The following SOBP variants were observed in gnomAD, a reference collection of about 807,000 sequenced individuals.
The protein encoded by SOBP is sine oculis-binding protein homolog.
In SOBP, 4 loss-of-function variants were observed where a neutral mutation model predicts 53.6. The observed-to-expected ratio is 0.07, with a 90% CI of 0.04 to 0.17. The LOEUF (loss-of-function observed/expected upper bound fraction) is 0.17, where lower values mean the gene tolerates loss of function less well. Ranked by LOEUF, SOBP falls within the 10% of genes least tolerant of loss-of-function variation. The pLI is 1.00. For synonymous variants in SOBP, 584 were observed against 522.6 expected (o/e 1.12, Z -1.60); for missense variants, 1,088 against 1,204.7 (o/e 0.90, Z 1.43).
intron 1 of SOBP, among the ~76,000 whole-genome samples, chr6:107,494,459 G>T (rs1035359977): frequency 2.0e-5 from 3 of 152,160 alleles, no homozygotes; most frequent in Non-Finnish European, 4.4e-5. Flanking sequence ...TATATTTTGT[G>T]CACATAGATC....
chr6:107,634,614 C>A lies in SOBP; in HGVS notation c.1770C>A (p.Gly590=), dbSNP rs939445785. 6.3e-7 allele frequency: 1 copy of A among 1,597,012 alleles called. No individual in the cohort carries two copies. Among genetic ancestry groups the A allele is most frequent in the Admixed American group, 1.7e-5 (1 of 59,678 alleles). Residue 590 remains glycine, a synonymous_variant, in exon 6 of 7, where the codon GGC becomes GGA. Coordinates refer to ENST00000317357, the MANE Select transcript of SOBP (RefSeq NM_018013.4). This position sits in a 1 kb window ranked among gnomAD's most constrained non-coding sequence, Gnocchi z 4.5. The part of the protein sequence containing the change: ...HSLSPRDSKQ[G]SSKSADSPPG... ...TGTCCCCCCGGGACTCCAAGCAGGG[C>A]TCGTCCAAGTCCGCGGACTCGCCCC...
At chr6:107,562,816 TA>T (rs1318103561) in intron 4 of SOBP, among the ~76,000 whole-genome samples, 6 of 151,986 alleles carry the variant, frequency 3.9e-5, no homozygotes, top group Non-Finnish European at 7.4e-5. Context: ...TAAAGTGAAA[TA>T]TACTGCTGTA....
At position 107,506,488 on chromosome 6, in the gene SOBP, A is replaced by G. The variant is rs1782997006; in HGVS notation, c.421+61A>G. 39 of 1,575,130 alleles carry G rather than the reference A, an allele frequency of 2.5e-5. No homozygotes were observed. The South Asian group carries it at 4.2e-4, about 17-fold the overall frequency. Reference sequence around the variant, plus strand: ...CATAGAAAGTTGTTTTAACCATCTTAGGAATAATTATTAAATGCTCAAGTT... The same window carrying G: ...CATAGAAAGTTGTTTTAACCATCTTGGGAATAATTATTAAATGCTCAAGTT... On this transcript the variant is annotated intron_variant, in intron 3 of 6. Transcript: ENST00000317357.
intron 6 of SOBP, among the ~76,000 whole-genome samples, chr6:107,649,163 CAAAAA>C (rs61034738): frequency 1.5e-4 from 6 of 40,416 alleles, no homozygotes; most frequent in African/African-American, 4.2e-4. Flanking sequence ...CCCCCACTAC[CAAAAA>C]AAAAAAAAAA....
At chr6:107,500,040 G>T (rs1782797427) in intron 1 of SOBP, among the ~76,000 whole-genome samples, 1 of 152,112 alleles carries the variant, frequency 6.6e-6, no homozygotes, top group Non-Finnish European at 1.5e-5. Flanking sequence ...GGAATTCTCT[G>T]CTAGAAAGAC....
intron 4 of SOBP, among the ~76,000 whole-genome samples, chr6:107,572,233 C>T (rs536580300): frequency 1.3e-5 from 2 of 151,576 alleles, no homozygotes; most frequent in South Asian, 4.2e-4. Context: ...CCTAATAAAT[C>T]TGGCAACACT....
At chr6:107,512,263 A>G (rs1243204932) in intron 3 of SOBP, among the ~76,000 whole-genome samples, 1 of 152,222 alleles carries the variant, frequency 6.6e-6, no homozygotes, top group Non-Finnish European at 1.5e-5. Flanking sequence ...AGGTTAATTA[A>G]ACGGTAACTT....
In SOBP at chr6:107,583,654, T is replaced by A. The variant is rs140368490; in HGVS notation, c.574-3426T>A. ...AATCCTCCTGCCTCAGCCTCCCAAG[T>A]AGCTAGGACTACAGGTGCATGCCAC... On this transcript the variant is annotated intron_variant, in intron 4 of 6. Coordinates refer to ENST00000317357, the MANE Select transcript of SOBP (RefSeq NM_018013.4). Among the ~76,000 whole-genome samples, 505 of 152,252 alleles carry A rather than the reference T, an allele frequency of 3.3e-3. 1 individual carries two copies. Among genetic ancestry groups the A allele is most frequent in the African/African-American group, 0.012 (485 of 41,548 alleles).
At chr6:107,633,169 A>G (rs1390783392) in intron 5 of SOBP, among the ~76,000 whole-genome samples, 2 of 152,222 alleles carry the variant, frequency 1.3e-5, no homozygotes, top group Non-Finnish European at 2.9e-5. Context: ...TTGCATTTAC[A>G]ATGAGCCTCT....
intron 4 of SOBP, among the ~76,000 whole-genome samples, chr6:107,549,872 T>G (rs1266500192): frequency 6.6e-6 from 1 of 152,156 alleles, no homozygotes; most frequent in Non-Finnish European, 1.5e-5. Flanking sequence ...AGTTAACCCC[T>G]ATCACCTGCA....
chr6:107,641,019 C>T (rs182103260), intron 6 of SOBP, among the ~76,000 whole-genome samples: 1 of 152,342 alleles, frequency 6.6e-6, no homozygotes, highest in African/African-American at 2.4e-5. Context: ...TGTGCCTATG[C>T]ACAGAGGCAT....
chr6:107,493,997 A>G (rs996776924), intron 1 of SOBP, among the ~76,000 whole-genome samples: 23 of 152,262 alleles, frequency 1.5e-4, no homozygotes, highest in African/African-American at 5.5e-4. Flanking sequence ...GACTTGGCAT[A>G]GCTTGCTTGT....
intron 5 of SOBP, among the ~76,000 whole-genome samples, chr6:107,619,041 G>C (rs1786907551): frequency 6.6e-6 from 1 of 152,206 alleles, no homozygotes; most frequent in African/African-American, 2.4e-5. Context: ...GAGTAACGTT[G>C]ATTTCTGGAC....
At chr6:107,588,986 G>A (rs950636464) in intron 5 of SOBP, among the ~76,000 whole-genome samples, 1 of 152,164 alleles carries the variant, frequency 6.6e-6, no homozygotes, top group African/African-American at 2.4e-5. Flanking sequence ...TGTAAGAAAA[G>A]TGATGGTGTT....
intron 4 of SOBP, among the ~76,000 whole-genome samples, chr6:107,552,492 A>G (rs944197699): frequency 6.6e-6 from 1 of 152,172 alleles, no homozygotes; most frequent in Non-Finnish European, 1.5e-5. Flanking sequence ...AGACCAGACA[A>G]TGAGGAGGGG....
intron 5 of SOBP, among the ~76,000 whole-genome samples, chr6:107,601,677 C>T (rs940662781): frequency 6.6e-6 from 1 of 152,090 alleles, no homozygotes; most frequent in Non-Finnish European, 1.5e-5. Flanking sequence ...GTCACTGGGT[C>T]TAATACAGTT....
At chr6:107,588,213 A>G (rs1209344699) in intron 5 of SOBP, among the ~76,000 whole-genome samples, 1 of 152,186 alleles carries the variant, frequency 6.6e-6, no homozygotes, top group Non-Finnish European at 1.5e-5. Flanking sequence ...TCTGATACCA[A>G]CTGTTCATTA....
chr6:107,548,110 C>T (rs1784353521), intron 4 of SOBP, among the ~76,000 whole-genome samples: 1 of 152,182 alleles, frequency 6.6e-6, no homozygotes, highest in Non-Finnish European at 1.5e-5. Context: ...GCAGACACCA[C>T]TGCTGTAAAT....
At chr6:107,519,433 T>C (rs1783417075) in intron 3 of SOBP, among the ~76,000 whole-genome samples, 2 of 152,228 alleles carry the variant, frequency 1.3e-5, no homozygotes, top group African/African-American at 2.4e-5. Flanking sequence ...CTTCAAGTCC[T>C]CTTGGCCCCA....
Sources: gnomAD v4.1 joint callset for allele counts (sites outside exome capture counted in the v4.1 genomes callset) on GRCh38, gnomAD v4.1.1 for gene constraint, Gnocchi (gnomAD v3.1) non-coding constraint, MANE v1.5 for transcripts, NCBI Gene and HGNC (gene_info 2026-07-23, HGNC 2026-07-21) for gene names.